The following PHLDB3 variants were observed in gnomAD, a reference collection of about 807,000 sequenced individuals.
PHLDB3 encodes the protein pleckstrin homology-like domain family B member 3.
In PHLDB3, 86 loss-of-function variants were observed where a neutral mutation model predicts 85.7. The observed-to-expected ratio is 1.00, with a 90% CI of 0.84 to 1.20. The LOEUF (loss-of-function observed/expected upper bound fraction) is 1.20, where lower values mean the gene tolerates loss of function less well. Among genes scored for constraint, PHLDB3 ranks in the 50% most tolerant of loss-of-function variants. The pLI, the probability that PHLDB3 is intolerant of heterozygous loss-of-function variation, is 0.00. For missense variants in PHLDB3, 995 were observed against 873.0 expected (o/e 1.14, Z -1.76); for synonymous variants, 376 against 349.8 (o/e 1.07, Z -0.83).
intron 2 of PHLDB3, 27 bp downstream of exon 2, chr19:43,503,879 C>T: frequency 6.2e-7 from 1 of 1,613,048 alleles, no homozygotes; most frequent in Non-Finnish European, 8.5e-7. Flanking sequence ...TCCAAGCCCC[C>T]CGCGCTGTCG....
chr19:43,495,139 G>A, intron 8 of PHLDB3, 117 bp downstream of exon 8: 1 of 1,071,764 alleles, frequency 9.3e-7, no homozygotes, highest in South Asian at 1.5e-5. Context: ...CTGGACTCCT[G>A]GGTCTGAGGG....
intron 9 of PHLDB3, among the ~76,000 whole-genome samples, chr19:43,487,335 G>C (rs1430578830): frequency 6.6e-6 from 1 of 152,072 alleles, no homozygotes; most frequent in African/African-American, 2.4e-5. Context: ...AGCACTTTGG[G>C]AGTCCAAGGC....
chr19:43,480,494 AG>A (rs1971023770), intron 13 of PHLDB3, among the ~76,000 whole-genome samples: 1 of 151,986 alleles, frequency 6.6e-6, no homozygotes, highest in African/African-American at 2.4e-5. Flanking sequence ...AAGGAGGCTG[AG>A]CCCAGGAGGA....
intron 9 of PHLDB3, among the ~76,000 whole-genome samples, chr19:43,487,494 G>C (rs978222964): frequency 6.8e-6 from 1 of 147,458 alleles, no homozygotes. Flanking sequence ...AGAATCGCTT[G>C]AACCCGGGAG....
intron 6 of PHLDB3, chr19:43,496,891 T>C (rs1971469949): frequency 5.0e-6 from 3 of 597,424 alleles, no homozygotes; most frequent in African/African-American, 3.9e-5. Context: ...AAAAACGTAA[T>C]AGAACTTGCC....
At position 43,475,325 on chromosome 19, in the gene PHLDB3, C is replaced by T; in HGVS notation, c.*85G>A. 1 of 1,523,308 alleles carries T rather than the reference C, an allele frequency of 6.6e-7. No individual in the cohort carries two copies. Among genetic ancestry groups the T allele is most frequent in the Non-Finnish European group, 8.9e-7 (1 of 1,128,270 alleles). 94.4% of individuals were successfully genotyped at this position (1,523,308 alleles called of 1,614,324 possible). A position where few individuals can be genotyped will look rare whatever the true frequency, so the allele number is the denominator to read the frequency against. On this transcript the variant is annotated 3_prime_UTR_variant, in exon 16 of 16. Transcript: ENST00000292140. ...TCCAAAGCGGTGCGTCCAAGTTTTC[C>T]GGCAGTGGGCGGGGCCTAGGAACGC...
intron 4 of PHLDB3, 71 bp from the exon 5 acceptor site, chr19:43,497,947 G>T: frequency 6.5e-7 from 1 of 1,533,796 alleles, no homozygotes; most frequent in East Asian, 2.4e-5. Flanking sequence ...CCATATCTCA[G>T]AGCCTGCCTG....
intron 15 of PHLDB3, 27 bp downstream of exon 15, chr19:43,478,020 G>A (rs1249113630): frequency 8.3e-6 from 13 of 1,572,514 alleles, no homozygotes; most frequent in East Asian, 2.2e-5. Flanking sequence ...CCAACTGGGA[G>A]GTCAGGGTGA....
intron 9 of PHLDB3, among the ~76,000 whole-genome samples, chr19:43,490,963 A>G (rs1228482067): frequency 6.6e-6 from 1 of 152,026 alleles, no homozygotes; most frequent in Non-Finnish European, 1.5e-5. Flanking sequence ...TAAATGAGTG[A>G]CCTCCTGCAA....
intron 4 of PHLDB3, among the ~76,000 whole-genome samples, chr19:43,500,918 C>CCG (rs1264859967): frequency 6.1e-5 from 7 of 115,082 alleles, no homozygotes; most frequent in Non-Finnish European, 1.9e-5. Flanking sequence ...TACCCCCCCC[C>CCG]CACCCCGCAA....
chr19:43,487,811 A>G (rs1261211407), intron 9 of PHLDB3, among the ~76,000 whole-genome samples: 1 of 152,068 alleles, frequency 6.6e-6, no homozygotes, highest in Non-Finnish European at 1.5e-5. Flanking sequence ...TTTTAAATGA[A>G]TGAATTGTAT....
intron 4 of PHLDB3, among the ~76,000 whole-genome samples, chr19:43,498,618 G>A (rs1162748344): frequency 6.6e-6 from 1 of 152,174 alleles, no homozygotes; most frequent in Non-Finnish European, 1.5e-5. Context: ...TGGGAACACA[G>A]CCAGTTGGAA....
intron 9 of PHLDB3, among the ~76,000 whole-genome samples, chr19:43,487,573 T>TTAAAAAAAAAAA (rs1971202155): frequency 5.7e-5 from 1 of 17,618 alleles, no homozygotes; most frequent in African/African-American, 1.9e-4. Flanking sequence ...AGACTCTGTC[T>TTAAAAAAAAAAA]CAAAAAAAAA....
chr19:43,487,121 G>A lies in PHLDB3; in HGVS notation c.1152C>T (p.Gly384=), dbSNP rs1971188313. ...TCCCAGTCCTCTGGAGGCCAATGGA[G>A]CCCTGAAAACACAAAAGGCTCATGA... The part of the protein sequence containing the change: ...CLFSVHSSLQ[G]SIGLQRTGSL... Residue 384 remains glycine (G), a splice_region_variant and synonymous_variant, in exon 10 of 16, where the codon GGC becomes GGT. Coordinates refer to ENST00000292140, the MANE Select transcript of PHLDB3 (RefSeq NM_198850.4). 1 of 1,557,994 alleles carries A rather than the reference G, an allele frequency of 6.4e-7. No individual in the cohort carries two copies. The highest frequency in any genetic ancestry group is 1.2e-5 in the South Asian group (1 of 84,518).
chr19:43,494,015 G>A (rs900426817), intron 9 of PHLDB3, among the ~76,000 whole-genome samples: 2 of 152,044 alleles, frequency 1.3e-5, no homozygotes, highest in Admixed American at 1.3e-4. Flanking sequence ...AGATTTTTGA[G>A]CATTTTGGAT....
At chr19:43,480,681 G>A (rs1476711639) in intron 13 of PHLDB3, among the ~76,000 whole-genome samples, 1 of 152,166 alleles carries the variant, frequency 6.6e-6, no homozygotes, top group African/African-American at 2.4e-5. Context: ...TACTTTCTAG[G>A]TATAATCTCT....
chr19:43,494,483 G>A lies in PHLDB3; in HGVS notation c.1149+219C>T, dbSNP rs150780565. Among the ~76,000 whole-genome samples, 652 of 152,106 alleles carry A rather than the reference G, an allele frequency of 4.3e-3. 7 individuals are homozygous for A. The highest frequency in any genetic ancestry group is 0.014 in the African/African-American group (594 of 41,504). ...TCCTGGGTGCACATGTTCCCATTTC[G>A]CCAGGGCAGGGGTGGGTGTTACACA... is the stretch of plus-strand genomic sequence containing the variant. On this transcript the variant is annotated intron_variant, in intron 9 of 15. Transcript: ENST00000292140.
At chr19:43,480,546 T>G (rs911240075) in intron 13 of PHLDB3, among the ~76,000 whole-genome samples, 4 of 152,064 alleles carry the variant, frequency 2.6e-5, no homozygotes, top group Non-Finnish European at 4.4e-5. Flanking sequence ...TGAGCTATGA[T>G]TGCACCACTG....
At chr19:43,501,203 G>A (rs796647240) in intron 4 of PHLDB3, among the ~76,000 whole-genome samples, 132 of 133,084 alleles carry the variant, frequency 9.9e-4, no homozygotes, top group African/African-American at 3.7e-3. Flanking sequence ...TTTTTGAGAC[G>A]GAGTCTCCTT....
Sources: allele counts gnomAD v4.1 joint callset (sites outside exome capture counted in the v4.1 genomes callset), GRCh38; gene constraint gnomAD v4.1.1; transcripts MANE v1.5; gene names NCBI Gene and HGNC (gene_info 2026-07-23, HGNC 2026-07-21).